The following NRXN3 variants were observed in gnomAD, a reference collection of about 807,000 sequenced individuals.
NRXN3 encodes neurexin III.
A neutral mutation model predicts 137.6 loss-of-function variants in NRXN3; 32 were observed. The ratio of observed to expected loss-of-function variants is 0.23; its 90% confidence interval spans 0.18 to 0.31. The LOEUF (loss-of-function observed/expected upper bound fraction) is 0.31. Ranked by LOEUF, NRXN3 falls within the 10% of genes least tolerant of loss-of-function variation. The pLI is 1.00. For synonymous variants in NRXN3, 798 were observed against 784.5 expected, an observed-to-expected ratio of 1.02 and a Z score of -0.29; for missense variants, 1,574 against 2,062.5, an observed-to-expected ratio of 0.76 and a Z score of 4.59.
chr14:78,190,261 C>A (rs2060591100), intron 1 of NRXN3, among the ~76,000 whole-genome samples: 1 of 152,256 alleles, frequency 6.6e-6, no homozygotes, highest in Non-Finnish European at 1.5e-5. Flanking sequence ...CTTCCACAGA[C>A]AAAGCCTGGA....
intron 4 of NRXN3, among the ~76,000 whole-genome samples, chr14:78,620,288 G>A (rs1441025681): frequency 6.6e-6 from 1 of 152,186 alleles, no homozygotes; most frequent in Non-Finnish European, 1.5e-5. Flanking sequence ...TTACTGAGGT[G>A]TCTCCCTGGC....
At chr14:79,699,644 G>GAA (rs1170244735) in intron 19 of NRXN3, among the ~76,000 whole-genome samples, 1 of 151,980 alleles carries the variant, frequency 6.6e-6, no homozygotes, top group African/African-American at 2.4e-5. Flanking sequence ...AACTTTGGAA[G>GAA]AAAAGTAGGG....
chr14:79,326,602 T>C (rs1331326041), intron 15 of NRXN3, among the ~76,000 whole-genome samples: 1 of 152,176 alleles, frequency 6.6e-6, no homozygotes, highest in Non-Finnish European at 1.5e-5. Context: ...AGAAAGAATA[T>C]TGTGGGACTC....
chr14:79,518,168 G>A (rs2097017248), intron 16 of NRXN3, among the ~76,000 whole-genome samples: 1 of 151,854 alleles, frequency 6.6e-6, no homozygotes, highest in Admixed American at 6.6e-5. Context: ...GCCTCCCAAA[G>A]TGTTGGGATT....
intron 4 of NRXN3, among the ~76,000 whole-genome samples, chr14:78,615,773 C>G (rs1384741382): frequency 6.6e-6 from 1 of 151,744 alleles, no homozygotes; most frequent in Admixed American, 6.6e-5. Context: ...AGTCTCTACC[C>G]CCAAAAAAAA....
At chr14:78,736,421 C>A (rs2098541550) in intron 8 of NRXN3, among the ~76,000 whole-genome samples, 1 of 152,130 alleles carries the variant, frequency 6.6e-6, no homozygotes, top group Non-Finnish European at 1.5e-5. Context: ...TTGTAATTGT[C>A]TCACTTGATT....
At chr14:78,730,969 T>C (rs537677946) in intron 8 of NRXN3, among the ~76,000 whole-genome samples, 6 of 152,328 alleles carry the variant, frequency 3.9e-5, no homozygotes, top group Non-Finnish European at 8.8e-5. Flanking sequence ...TATTTCTTTG[T>C]AAATTTTCTT....
At chr14:79,496,974 A>G (rs1272493986) in intron 16 of NRXN3, among the ~76,000 whole-genome samples, 1 of 151,984 alleles carries the variant, frequency 6.6e-6, no homozygotes, top group African/African-American at 2.4e-5. Flanking sequence ...CCATTTACTC[A>G]CTCCACCATA....
chr14:79,377,905 A>G (rs1268016383), intron 15 of NRXN3, among the ~76,000 whole-genome samples: 1 of 152,226 alleles, frequency 6.6e-6, no homozygotes, highest in Non-Finnish European at 1.5e-5. Flanking sequence ...TGAAAGGAAC[A>G]GCTGGGATAT....
intron 16 of NRXN3, chr14:79,611,412 A>C (rs531054996): frequency 2.0e-5 from 3 of 152,366 alleles, no homozygotes; most frequent in Non-Finnish European, 4.4e-5. Flanking sequence ...ATCCTGGCTA[A>C]CACGGTGAAA....
At chr14:79,399,045 A>AG (rs1385326307) in intron 15 of NRXN3, among the ~76,000 whole-genome samples, 18 of 146,788 alleles carry the variant, frequency 1.2e-4, no homozygotes, top group African/African-American at 3.5e-4. Flanking sequence ...AAAAAAAAAA[A>AG]GCTGGGAGTT....
At chr14:79,658,297 A>G (rs779159748) in intron 16 of NRXN3, among the ~76,000 whole-genome samples, 1 of 152,214 alleles carries the variant, frequency 6.6e-6, no homozygotes, top group Non-Finnish European at 1.5e-5. Context: ...CCATTTAGGT[A>G]GCCTGGTTTA....
chr14:78,689,027 GT>G (rs1395930457), intron 6 of NRXN3, among the ~76,000 whole-genome samples: 4 of 151,162 alleles, frequency 2.6e-5, no homozygotes, highest in Non-Finnish European at 4.4e-5. Context: ...GAAGGGGATA[GT>G]ACTGTAGCTG....
At chr14:78,459,378 A>T (rs2094850283) in intron 4 of NRXN3, among the ~76,000 whole-genome samples, 1 of 152,156 alleles carries the variant, frequency 6.6e-6, no homozygotes, top group Non-Finnish European at 1.5e-5. Flanking sequence ...TGTTCAGTGT[A>T]TGAGGTGCCC....
intron 4 of NRXN3, among the ~76,000 whole-genome samples, chr14:78,622,425 GTTTGT>G (rs1418569928): frequency 1.3e-5 from 2 of 152,142 alleles, no homozygotes; most frequent in Admixed American, 1.3e-4. Flanking sequence ...TTGTTTGTTT[GTTTGT>G]TTTGTTTTGT....
chr14:78,909,767 G>C (rs1379978361), intron 10 of NRXN3, among the ~76,000 whole-genome samples: 1 of 152,136 alleles, frequency 6.6e-6, no homozygotes, highest in Non-Finnish European at 1.5e-5. Context: ...TCTTGCACTT[G>C]ATGGAACTTA....
intron 15 of NRXN3, among the ~76,000 whole-genome samples, chr14:79,012,962 T>C (rs936111151): frequency 6.6e-6 from 1 of 152,198 alleles, no homozygotes; most frequent in Admixed American, 6.6e-5. Context: ...CAGAAATTTA[T>C]AGTAATGTTT....
rs765920448 is a variant in NRXN3 at position 79,865,862 on chromosome 14, TC to T, written c.*3900del. On this transcript the variant is annotated 3_prime_UTR_variant, in exon 21 of 21. Coordinates refer to ENST00000335750, the MANE Select transcript of NRXN3 (RefSeq NM_001330195.2). ...CATGTTGGCAAGGCTGGTCTCGAACTCCTTACTTCAAGTGATCCACCCACCT... is the reference window on the plus strand; with the variant it reads ...CATGTTGGCAAGGCTGGTCTCGAACTCTTACTTCAAGTGATCCACCCACCT... 8.5e-5 allele frequency: 13 copies of T among 152,210 alleles called. No homozygotes were observed. The East Asian group carries it at 1.5e-3, about 18-fold the overall frequency. 9.4% of individuals were successfully genotyped at this position (152,210 alleles called of 1,614,324 possible).
chr14:79,190,388 G>A (rs1380699036), intron 15 of NRXN3, among the ~76,000 whole-genome samples: 1 of 152,034 alleles, frequency 6.6e-6, no homozygotes, highest in African/African-American at 2.4e-5. Flanking sequence ...ATGAATTTAA[G>A]TCTAACTTAT....
Sources: allele counts gnomAD v4.1 joint callset (sites outside exome capture counted in the v4.1 genomes callset), GRCh38; gene constraint gnomAD v4.1.1; transcripts MANE v1.5; gene names NCBI Gene and HGNC (gene_info 2026-07-23, HGNC 2026-07-21).